SARDH: variants seen among roughly 807,000 people sequenced by gnomAD.
SARDH encodes sarcosine dehydrogenase, mitochondrial.
In SARDH, 95 loss-of-function variants were observed where a neutral mutation model predicts 109.1. That is an observed-to-expected ratio of 0.87 (90% CI 0.74 to 1.03). The LOEUF (loss-of-function observed/expected upper bound fraction) is 1.03, where lower values mean the gene tolerates loss of function less well. Ranked by LOEUF, SARDH falls within the 50% of genes least tolerant of loss-of-function variation. The pLI, the probability that SARDH is intolerant of heterozygous loss-of-function variation, is 0.00. For missense variants in SARDH, 1,267 were observed against 1,287.8 expected, an observed-to-expected ratio of 0.98 and a Z score of 0.25; for synonymous variants, 572 against 534.8, an observed-to-expected ratio of 1.07 and a Z score of -0.96.
chr9:133,718,666 C>T lies in SARDH; in HGVS notation c.1020+272G>A. ...CGTAGGACTTGTGTGCTCTCATGCCCTTCTGAGGTCATCACTCCACACTGC... is the reference window on the plus strand; with the variant it reads ...CGTAGGACTTGTGTGCTCTCATGCCTTTCTGAGGTCATCACTCCACACTGC... On this transcript the variant is annotated intron_variant, in intron 7 of 20. Transcript: ENST00000439388. The surrounding 1 kb of genome is among the most constrained non-coding windows in gnomAD (Gnocchi z 4.2). 1 of 779,550 alleles carries T rather than the reference C, an allele frequency of 1.3e-6. No individual in the cohort carries two copies. The highest frequency in any genetic ancestry group is 2.4e-6 in the Non-Finnish European group (1 of 417,994). The allele number at this position is 779,550 out of a possible 1,614,324, so 48.3% of individuals were successfully genotyped here.
At chr9:133,687,215 T>A (rs988655079) in intron 16 of SARDH, among the ~76,000 whole-genome samples, 1 of 152,200 alleles carries the variant, frequency 6.6e-6, no homozygotes, top group African/African-American at 2.4e-5. Context: ...CGATGGCCAG[T>A]TCTGGGCTGC....
chr9:133,733,337 C>A (rs593824), intron 2 of SARDH, among the ~76,000 whole-genome samples: 1 of 152,060 alleles, frequency 6.6e-6, no homozygotes. Context: ...TGCCAGGACA[C>A]CCATGGCTGA....
At chr9:133,661,017 A>G (rs927317316), downstream of SARDH, among the ~76,000 whole-genome samples, 3 of 152,206 alleles carry the variant, frequency 2.0e-5, no homozygotes, top group African/African-American at 7.2e-5. Flanking sequence ...AGCCTGGGCA[A>G]CATAGTGAAA....
intron 17 of SARDH, among the ~76,000 whole-genome samples, chr9:133,681,531 G>T (rs1830694819): frequency 6.6e-6 from 1 of 152,172 alleles, no homozygotes; most frequent in Admixed American, 6.5e-5. Flanking sequence ...CTCACTCGGG[G>T]TCTGAGCCCA....
chr9:133,684,372 A>G (rs190502541), intron 17 of SARDH, among the ~76,000 whole-genome samples: 2 of 152,360 alleles, frequency 1.3e-5, no homozygotes, highest in African/African-American at 2.4e-5. Flanking sequence ...CGAGGATTAC[A>G]TGGGAAAGTG....
chr9:133,660,820 GC>G, downstream of SARDH, among the ~76,000 whole-genome samples: 1 of 152,384 alleles, frequency 6.6e-6, no homozygotes, highest in Middle Eastern at 3.4e-3. Context: ...AGGGGTGCCT[GC>G]CCGACTGGGT....
intron 12 of SARDH, chr9:133,703,247 G>T: frequency 1.8e-6 from 1 of 563,954 alleles, no homozygotes; most frequent in South Asian, 2.1e-5. Flanking sequence ...TGCCTGGTGG[G>T]TCTGAGAGCC....
chr9:133,720,835 T>C (rs897709073), intron 6 of SARDH, among the ~76,000 whole-genome samples: 1 of 152,172 alleles, frequency 6.6e-6, no homozygotes, highest in African/African-American at 2.4e-5. Context: ...ACAGCCAAAC[T>C]GTATCAGAGT....
intron 6 of SARDH, among the ~76,000 whole-genome samples, chr9:133,721,903 G>A (rs1362831364): frequency 6.6e-6 from 1 of 152,044 alleles, no homozygotes; most frequent in African/African-American, 2.4e-5. Flanking sequence ...GTCATTTGAG[G>A]TCAGGAGTTC....
chr9:133,686,936 G>A lies in SARDH; in HGVS notation c.2070-1650C>T, dbSNP rs888621087. 2.6e-4 allele frequency among the ~76,000 whole-genome samples: 39 copies of A among 152,260 alleles called. No individual in the cohort carries two copies. The highest frequency in any genetic ancestry group is 8.4e-4 in the African/African-American group (35 of 41,552). ...CTGCAGCCTTGAGTGGCAGCCGCACGGAAGGGACCCTGGGGCAGAAGCCTG... is the reference window on the plus strand; with the variant it reads ...CTGCAGCCTTGAGTGGCAGCCGCACAGAAGGGACCCTGGGGCAGAAGCCTG... On this transcript the variant is annotated intron_variant, in intron 16 of 20. Transcript: ENST00000439388. This position sits in a 1 kb window ranked among gnomAD's most constrained non-coding sequence, Gnocchi z 4.0.
chr9:133,732,374 A>AGCCCC, intron 3 of SARDH, 49 bp downstream of exon 3: 4 of 396,486 alleles, frequency 1.0e-5, no homozygotes, highest in Non-Finnish European at 2.0e-5. Context: ...CAGGGAGTGC[A>AGCCCC]CCCACCCACC....
chr9:133,680,440 G>C (rs1167592924), intron 17 of SARDH, among the ~76,000 whole-genome samples: 1 of 152,254 alleles, frequency 6.6e-6, no homozygotes, highest in Non-Finnish European at 1.5e-5. Context: ...CCAGGAAATG[G>C]GGAGGGCACT....
At position 133,718,578 on chromosome 9, in the gene SARDH, C is replaced by T; in HGVS notation, c.1020+360G>A. The stretch of plus-strand genomic sequence containing the variant: ...ACCCCAGAAGCTGCCCGGGAAACAG[C>T]CCAGGCCAGGGGAAATGCCGCTGCA... On this transcript the variant is annotated intron_variant, in intron 7 of 20. Transcript: ENST00000439388. The surrounding 1 kb of genome is among the most constrained non-coding windows in gnomAD (Gnocchi z 4.2). 1.3e-6 allele frequency: 1 copy of T among 749,464 alleles called. No individual in the cohort carries two copies. 46.4% of individuals were successfully genotyped at this position (749,464 alleles called of 1,614,324 possible).
rs373143814 is a variant in SARDH at position 133,690,501 on chromosome 9, C to T, written c.1948G>A (p.Gly650Arg). 4.4e-5 allele frequency: 71 copies of T among 1,608,144 alleles called. No homozygotes were observed. Among genetic ancestry groups the T allele is most frequent in the East Asian group, 1.3e-4 (6 of 44,832 alleles). Residue 650 changes from glycine to arginine, a missense_variant, in exon 16 of 21, where the codon GGG becomes AGG. Coordinates refer to ENST00000439388, the MANE Select transcript of SARDH (RefSeq NM_001134707.2). The stretch of plus-strand genomic sequence containing the variant: ...GACCAGTTGTGCTGGGCCACGGCCC[C>T]GCCCATGGCCAGGTAGTAACCGTCC... ...EGDGYYLAMG[G>R]AVAQHNWSHI...
At chr9:133,679,943 C>T (rs1830639860) in intron 17 of SARDH, among the ~76,000 whole-genome samples, 1 of 152,226 alleles carries the variant, frequency 6.6e-6, no homozygotes, top group East Asian at 1.9e-4. Flanking sequence ...CCGCTGACTG[C>T]GCAGGCACAC....
At chr9:133,676,370 A>G (rs1379257427) in intron 17 of SARDH, among the ~76,000 whole-genome samples, 1 of 152,130 alleles carries the variant, frequency 6.6e-6, no homozygotes, top group Non-Finnish European at 1.5e-5. Flanking sequence ...AGGGAAAGGG[A>G]ATTGCCTCAA....
Position 133,670,668 on chromosome 9 carries a change from G to A in SARDH, c.2411C>T (p.Pro804Leu), listed in dbSNP as rs767340533. 4.6e-5 allele frequency: 73 copies of A among 1,602,746 alleles called. No individual in the cohort carries two copies. Among genetic ancestry groups the A allele is most frequent in the East Asian group, 1.6e-4 (7 of 44,486 alleles). ...GGCCTCCCTCCCCAGGAAGGGCACC[G>A]GCGACTTGAGCTTGCAGGTGAAGGC... ...GLAFTCKLKS[P>L]VPFLGREALE... Residue 804 changes from proline (P) to leucine (L), a missense_variant, in exon 19 of 21, where the codon CCG becomes CTG. Transcript: ENST00000439388.
chr9:133,664,300 A>G (rs1829982172), intron 20 of SARDH, among the ~76,000 whole-genome samples: 1 of 152,198 alleles, frequency 6.6e-6, no homozygotes. Context: ...CAGCAATTCC[A>G]GATGCCTGGG....
At chr9:133,710,766 GGCCGGTGGCTGGTCCT>G (rs1160561320) in intron 10 of SARDH, among the ~76,000 whole-genome samples, 1 of 152,266 alleles carries the variant, frequency 6.6e-6, no homozygotes, top group Admixed American at 6.5e-5. Flanking sequence ...AGCCCTTGGG[GGCCGGTGGCTGGTCCT>G]GCTGGTGGCG....
Sources: gnomAD v4.1 joint callset for allele counts (sites outside exome capture counted in the v4.1 genomes callset) on GRCh38, gnomAD v4.1.1 for gene constraint, Gnocchi (gnomAD v3.1) non-coding constraint, MANE v1.5 for transcripts, NCBI Gene and HGNC (gene_info 2026-07-23, HGNC 2026-07-21) for gene names.